Variants in WNK3 observed in about 807,000 individuals in gnomAD.
WNK3 encodes WNK lysine deficient protein kinase 3.
WNK3 carries 18 observed loss-of-function variants against 116.7 expected under a neutral mutation model. The observed-to-expected ratio is 0.15, with a 90% CI of 0.11 to 0.23. The LOEUF (loss-of-function observed/expected upper bound fraction) is 0.23. Among genes scored for constraint, WNK3 ranks in the 10% least tolerant of loss-of-function variants. WNK3 has a pLI of 1.00. For missense variants in WNK3, 993 were observed against 1,323.8 expected, an observed-to-expected ratio of 0.75 and a Z score of 3.88; for synonymous variants, 404 against 469.4, an observed-to-expected ratio of 0.86 and a Z score of 1.80.
At chrX:54,320,420 T>C (rs1222683153) in intron 2 of WNK3, among the ~76,000 whole-genome samples, 1 of 112,500 alleles carries the variant, frequency 8.9e-6, no homozygotes, top group African/African-American at 3.2e-5. Context: ...TCATTAACAA[T>C]GATATAAAAG....
intron 10 of WNK3, among the ~76,000 whole-genome samples, chrX:54,282,251 C>T (rs1437657627): frequency 9.1e-6 from 1 of 109,704 alleles, no homozygotes; most frequent in Non-Finnish European, 1.9e-5. Context: ...CACTATGTTG[C>T]CCAGGTTGGT....
chrX:54,240,686 A>T (rs1472626332), intron 17 of WNK3, among the ~76,000 whole-genome samples: 1 of 111,866 alleles, frequency 8.9e-6, no homozygotes, highest in Non-Finnish European at 1.9e-5. Context: ...TGAGTGGCTG[A>T]TACGGGCAGC....
chrX:54,347,804 C>G (rs2069457109), intron 1 of WNK3, among the ~76,000 whole-genome samples: 1 of 107,389 alleles, frequency 9.3e-6, no homozygotes, highest in African/African-American at 3.4e-5. Flanking sequence ...GCTCAAATAT[C>G]AAGTAAAGAG....
chrX:54,225,928 T>A (rs1361184497), intron 22 of WNK3, among the ~76,000 whole-genome samples: 1 of 109,799 alleles, frequency 9.1e-6, no homozygotes, highest in African/African-American at 3.3e-5. Context: ...TGGTATGGGA[T>A]TGGCATAAGG....
intron 10 of WNK3, among the ~76,000 whole-genome samples, chrX:54,276,717 CT>C (rs1365637484): frequency 8.5e-4 from 84 of 98,570 alleles, no homozygotes; most frequent in South Asian, 1.4e-3. Flanking sequence ...GGCAACATTC[CT>C]TTTTTTTTTT....
intron 22 of WNK3, among the ~76,000 whole-genome samples, chrX:54,204,335 CT>C (rs1235177343): frequency 9.0e-6 from 1 of 110,865 alleles, no homozygotes; most frequent in African/African-American, 3.3e-5. Flanking sequence ...CCAGGCTGGT[CT>C]CAAACTTCTG....
chrX:54,217,416 T>G (rs955077376), intron 22 of WNK3, among the ~76,000 whole-genome samples: 1 of 105,452 alleles, frequency 9.5e-6, no homozygotes, highest in Non-Finnish European at 1.9e-5. Flanking sequence ...GTCCAGGAGA[T>G]CAAGACTATC....
chrX:54,209,817 T>C (rs1207050980), intron 22 of WNK3, among the ~76,000 whole-genome samples: 1 of 110,435 alleles, frequency 9.1e-6, no homozygotes, highest in Admixed American at 9.8e-5. Flanking sequence ...TCCCCAAGTG[T>C]TGGGATTACA....
chrX:54,235,971 G>T (rs1338480112), intron 20 of WNK3, among the ~76,000 whole-genome samples: 2 of 111,936 alleles, frequency 1.8e-5, no homozygotes, highest in Non-Finnish European at 3.8e-5. Context: ...CAAGAAACAG[G>T]TAATATTTAT....
At chrX:54,358,282 A>G (rs2069626678), upstream of WNK3, among the ~76,000 whole-genome samples, 1 of 111,020 alleles carries the variant, frequency 9.0e-6, no homozygotes, top group African/African-American at 3.3e-5. Flanking sequence ...TCTTAGAGGA[A>G]GCACGCGCGA....
intron 2 of WNK3, among the ~76,000 whole-genome samples, chrX:54,313,354 A>ATT (rs111763027): frequency 0.015 from 1,519 of 99,125 alleles, 17 homozygotes; most frequent in Middle Eastern, 0.055. Flanking sequence ...ACTCCTCTGT[A>ATT]TTTTTTTTTT....
chrX:54,331,153 A>G (rs1239761347), intron 2 of WNK3, among the ~76,000 whole-genome samples: 1 of 110,566 alleles, frequency 9.0e-6, no homozygotes, highest in African/African-American at 3.3e-5. Context: ...GCAGCAAACC[A>G]CCATGGCACA....
chrX:54,285,209 C>G (rs1281022264), intron 10 of WNK3, among the ~76,000 whole-genome samples: 4 of 110,650 alleles, frequency 3.6e-5, no homozygotes, highest in African/African-American at 1.3e-4. Context: ...GAGTTCAAGA[C>G]CAGCCTGGGC....
chrX:54,264,214 T>A (rs782645498), intron 10 of WNK3, among the ~76,000 whole-genome samples: 24 of 109,008 alleles, frequency 2.2e-4, no homozygotes, highest in Non-Finnish European at 4.2e-4. Context: ...ATGACTGTAA[T>A]CCCAGTTACT....
intron 3 of WNK3, among the ~76,000 whole-genome samples, chrX:54,309,739 C>T (rs1013048480): frequency 1.8e-5 from 2 of 111,693 alleles, no homozygotes; most frequent in Admixed American, 1.9e-4. Context: ...ACCATGTGGG[C>T]CAGGCTGGTC....
chrX:54,342,538 C>T (rs932449551), intron 1 of WNK3, among the ~76,000 whole-genome samples: 1 of 110,016 alleles, frequency 9.1e-6, no homozygotes, highest in Non-Finnish European at 1.9e-5. Context: ...TGCACTCCAG[C>T]CTGGGTGACA....
chrX:54,269,481 A>G (rs1557158735), intron 10 of WNK3, among the ~76,000 whole-genome samples: 1 of 111,892 alleles, frequency 8.9e-6, no homozygotes, highest in African/African-American at 3.2e-5. Context: ...AACGTATTTC[A>G]GTACAATAGC....
At chrX:54,277,601 G>T (rs1431363180) in intron 10 of WNK3, among the ~76,000 whole-genome samples, 1 of 110,963 alleles carries the variant, frequency 9.0e-6, no homozygotes, top group Non-Finnish European at 1.9e-5. Flanking sequence ...CTCCCAAAGT[G>T]CTGGGATTAC....
At chrX:54,219,065 GAATA>G (rs1557146008) in intron 22 of WNK3, among the ~76,000 whole-genome samples, 3 of 111,461 alleles carry the variant, frequency 2.7e-5, no homozygotes, top group Non-Finnish European at 5.7e-5. Context: ...AAAAATATCA[GAATA>G]AATAATAACT....
Sources: allele counts gnomAD v4.1 joint callset (sites outside exome capture counted in the v4.1 genomes callset), GRCh38; gene constraint gnomAD v4.1.1; transcripts MANE v1.5; gene names NCBI Gene and HGNC (gene_info 2026-07-23, HGNC 2026-07-21).